Variants in KYNU observed in about 807,000 individuals in gnomAD.
KYNU encodes the protein kynureninase.
In KYNU, 54 loss-of-function variants were observed where a neutral mutation model predicts 59.2. The ratio of observed to expected loss-of-function variants is 0.91; its 90% CI spans 0.73 to 1.14. The LOEUF (loss-of-function observed/expected upper bound fraction) is 1.14. Ranked by LOEUF, KYNU falls within the 50% of genes most tolerant of loss-of-function variation. The pLI, the probability that KYNU is intolerant of heterozygous loss-of-function variation, is 0.00. For missense variants in KYNU, 567 were observed against 554.4 expected (o/e 1.02, Z -0.23); for synonymous variants, 177 against 192.0 (o/e 0.92, Z 0.65).
intron 10 of KYNU, among the ~76,000 whole-genome samples, chr2:143,013,298 C>CTGTGTGTGTGTG (rs71301735): frequency 2.7e-5 from 4 of 149,466 alleles, no homozygotes; most frequent in South Asian, 4.2e-4. Context: ...GTCTCTTTCT[C>CTGTGTGTGTGTG]TGTGTGTGTG....
chr2:142,996,884 C>T (rs1036162224), intron 10 of KYNU, among the ~76,000 whole-genome samples: 4 of 152,114 alleles, frequency 2.6e-5, no homozygotes, highest in African/African-American at 9.7e-5. Flanking sequence ...TTCCAGCTTT[C>T]GAATGCTGTC....
At chr2:142,901,501 T>G (rs1325447781) in intron 2 of KYNU, among the ~76,000 whole-genome samples, 1 of 152,168 alleles carries the variant, frequency 6.6e-6, no homozygotes, top group East Asian at 1.9e-4. Flanking sequence ...TTCCTTTTCT[T>G]TCTGATGACC....
intron 2 of KYNU, among the ~76,000 whole-genome samples, chr2:142,901,678 T>A (rs930312892): frequency 1.3e-5 from 2 of 152,198 alleles, no homozygotes; most frequent in Non-Finnish European, 2.9e-5. Flanking sequence ...TGAGTCTGTA[T>A]GTATATTTAC....
intron 10 of KYNU, among the ~76,000 whole-genome samples, chr2:143,003,107 C>T (rs78065229): frequency 0.052 from 7,968 of 152,162 alleles, 556 homozygotes; most frequent in African/African-American, 0.16. Flanking sequence ...AAAGAATGGG[C>T]TTTGAATATA....
chr2:142,918,539 C>G (rs1317868142), intron 2 of KYNU, 70 bp from the exon 3 acceptor site: 1 of 1,409,676 alleles, frequency 7.1e-7, no homozygotes, highest in Admixed American at 2.6e-5. Context: ...ATTATTTGTA[C>G]TGGCTTAACA....
chr2:142,933,303 G>C (rs141772816), intron 4 of KYNU, among the ~76,000 whole-genome samples: 3 of 152,254 alleles, frequency 2.0e-5, no homozygotes, highest in African/African-American at 4.8e-5. Context: ...AGGGAGAAAG[G>C]TTTGGTGAGG....
In KYNU at chr2:143,036,864, T is replaced by C. The variant is rs1013665901; in HGVS notation, c.1041+3543T>C. Among the ~76,000 whole-genome samples, 3 of 152,210 alleles carry C rather than the reference T, an allele frequency of 2.0e-5. No individual in the cohort carries two copies. In the South Asian group the frequency reaches 6.2e-4, roughly 32 times the overall value. On this transcript the variant is annotated intron_variant, in intron 12 of 13. Coordinates refer to ENST00000264170, the MANE Select transcript of KYNU (RefSeq NM_003937.3). ...TCAATAAACGAAAGAAGTAAATGCA[T>C]GAATCAAACTGCCTCTTTGTTGTCT...
rs529503489 is a variant in KYNU, at chr2:143,039,407, C to T, written c.1042-1021C>T. Among the ~76,000 whole-genome samples, 4 of 152,130 alleles carry T rather than the reference C, an allele frequency of 2.6e-5. No homozygotes were observed. In the East Asian group the frequency reaches 7.7e-4, roughly 29 times the overall value. ...TTTACATCAAAGTTGGAAAAGTCTT[C>T]TTGATTATGATTTCAAAAAGTGGTT... is the stretch of plus-strand genomic sequence containing the variant. On this transcript the variant is annotated intron_variant, in intron 12 of 13. Transcript: ENST00000264170.
intron 2 of KYNU, among the ~76,000 whole-genome samples, chr2:142,886,953 G>A (rs1681535782): frequency 6.6e-6 from 1 of 152,030 alleles, no homozygotes; most frequent in Non-Finnish European, 1.5e-5. Context: ...GGCGGGTCAC[G>A]AGGTCAGGAG....
intron 10 of KYNU, among the ~76,000 whole-genome samples, chr2:143,016,893 T>C (rs77053076): frequency 0.088 from 13,345 of 152,124 alleles, 790 homozygotes; most frequent in African/African-American, 0.16. Flanking sequence ...ATCCCCTCCC[T>C]CTCTCCTCGC....
intron 4 of KYNU, chr2:142,947,430 C>T: frequency 1.9e-6 from 1 of 514,186 alleles, no homozygotes; most frequent in East Asian, 3.2e-5. Flanking sequence ...AACAGCGCTT[C>T]CCTGGATATT....
intron 2 of KYNU, among the ~76,000 whole-genome samples, chr2:142,917,134 G>A (rs1682689707): frequency 6.6e-6 from 1 of 152,138 alleles, no homozygotes; most frequent in South Asian, 2.1e-4. Context: ...GGATTGACTG[G>A]TGTACATTAA....
rs533954550 is a variant in KYNU, at chr2:143,044,951, T to C, written c.*2779T>C. ...TTGCCTAGATATTCTTCTAGGGTTTTTTTTTTGGCTTTAGGTCTTGCAGTT... is the reference window on the plus strand; with the variant it reads ...TTGCCTAGATATTCTTCTAGGGTTTCTTTTTTGGCTTTAGGTCTTGCAGTT... On this transcript the variant is annotated 3_prime_UTR_variant, in exon 14 of 14. Coordinates refer to ENST00000264170, the MANE Select transcript of KYNU (RefSeq NM_003937.3). 12 of 152,040 alleles carry C rather than the reference T, an allele frequency of 7.9e-5. No individual in the cohort carries two copies. Among genetic ancestry groups the C allele is most frequent in the African/African-American group, 2.9e-4 (12 of 41,494 alleles). 9.4% of individuals were successfully genotyped at this position (152,040 alleles called of 1,614,324 possible).
chr2:142,909,115 T>C (rs530454243), intron 2 of KYNU, among the ~76,000 whole-genome samples: 1 of 152,266 alleles, frequency 6.6e-6, no homozygotes, highest in African/African-American at 2.4e-5. Flanking sequence ...TGATCATATA[T>C]GGCTAGTGTT....
chr2:143,022,283 G>A (rs571226552), intron 10 of KYNU, among the ~76,000 whole-genome samples: 21 of 152,090 alleles, frequency 1.4e-4, no homozygotes, highest in Non-Finnish European at 2.4e-4. Context: ...GGTTTAAGGA[G>A]ATAATCTTAT....
rs1170814775 is a variant in KYNU at position 143,045,127 on chromosome 2, A to G, written c.*2955A>G. On this transcript the variant is annotated 3_prime_UTR_variant, in exon 14 of 14. Coordinates refer to ENST00000264170, the MANE Select transcript of KYNU (RefSeq NM_003937.3). The stretch of plus-strand genomic sequence containing the variant: ...TTGCTTGTTTTTGTCAGGTTTATCA[A>G]AGATCAGATGGTTGTAAATGTGTGG... 1.3e-5 allele frequency: 2 copies of G among 152,094 alleles called. No homozygotes were observed. The highest frequency in any genetic ancestry group is 4.8e-5 in the African/African-American group (2 of 41,440). 9.4% of individuals were successfully genotyped at this position (152,094 alleles called of 1,614,324 possible).
Position 142,918,955 on chromosome 2 carries a change from C to G in KYNU, c.290+226C>G, listed in dbSNP as rs183665375. On this transcript the variant is annotated intron_variant, in intron 3 of 13. Coordinates refer to ENST00000264170, the MANE Select transcript of KYNU (RefSeq NM_003937.3). The stretch of plus-strand genomic sequence containing the variant: ...TATTTCCAAAGAACCTAGGCCTATG[C>G]CATATACTTTAAATAATCTCTAGAT... 2.4e-3 allele frequency among the ~76,000 whole-genome samples: 365 copies of G among 152,294 alleles called. 4 individuals are homozygous for G. Among genetic ancestry groups the G allele is most frequent in the African/African-American group, 8.6e-3 (358 of 41,564 alleles).
intron 2 of KYNU, among the ~76,000 whole-genome samples, chr2:142,909,797 T>C (rs1336740782): frequency 6.6e-6 from 1 of 152,194 alleles, no homozygotes; most frequent in East Asian, 1.9e-4. Flanking sequence ...GAACAATGTA[T>C]TTTTCTTTAG....
At chr2:142,915,227 A>T (rs887670038) in intron 2 of KYNU, among the ~76,000 whole-genome samples, 3 of 152,208 alleles carry the variant, frequency 2.0e-5, no homozygotes, top group Non-Finnish European at 4.4e-5. Flanking sequence ...CTACTTCAGG[A>T]AACTGGAGAT....
Sources: allele counts gnomAD v4.1 joint callset (sites outside exome capture counted in the v4.1 genomes callset), GRCh38; gene constraint gnomAD v4.1.1; transcripts MANE v1.5; gene names NCBI Gene and HGNC (gene_info 2026-07-23, HGNC 2026-07-21).